The following PABPC1L variants were observed in gnomAD, a reference collection of about 807,000 sequenced individuals.
PABPC1L encodes the protein polyadenylate-binding protein 1-like.
Under a neutral mutation model 66.6 loss-of-function variants are expected in PABPC1L, and 31 were observed. The observed-to-expected ratio is 0.47, with a 90% CI of 0.35 to 0.63. PABPC1L has a LOEUF of 0.63. Among genes scored for constraint, PABPC1L ranks in the 20% least tolerant of loss-of-function variants. The pLI is 0.00. For synonymous variants in PABPC1L, 348 were observed against 335.1 expected, an observed-to-expected ratio of 1.04 and a Z score of -0.42; for missense variants, 722 against 848.8, an observed-to-expected ratio of 0.85 and a Z score of 1.86.
chr20:44,938,499 G>A (rs1292293205), intron 13 of PABPC1L, among the ~76,000 whole-genome samples, 175 bp from the exon 14 acceptor site: 2 of 152,166 alleles, frequency 1.3e-5, no homozygotes, highest in African/African-American at 2.4e-5. Context: ...TGTGTCAAAG[G>A]TGACAGACAG....
intron 7 of PABPC1L, among the ~76,000 whole-genome samples, chr20:44,925,390 T>C (rs537497813): frequency 6.6e-6 from 1 of 152,118 alleles, no homozygotes; most frequent in African/African-American, 2.4e-5. Flanking sequence ...CGTCACTAAC[T>C]CAAATGGATT....
At chr20:44,921,779 G>A (rs1429742303) in intron 6 of PABPC1L, 48 bp downstream of exon 6, 13 of 1,607,540 alleles carry the variant, frequency 8.1e-6, no homozygotes, top group South Asian at 3.3e-5. Context: ...GAGAGCAGCT[G>A]TGTGTCGGGG....
In PABPC1L at chr20:44,910,095, T is replaced by G; in HGVS notation, c.-49T>G. On this transcript the variant is annotated 5_prime_UTR_variant, in exon 1 of 15. Coordinates refer to ENST00000217073, the MANE Select transcript of PABPC1L (RefSeq NM_001372179.1). ...TCCGCCCGGGTGAGCGCGGGGCTGC[T>G]GGGTGACCCGGCTCCTGCTTGCCCC... is the stretch of plus-strand genomic sequence containing the variant. 1 of 1,486,104 alleles carries G rather than the reference T, an allele frequency of 6.7e-7. No homozygotes were observed. Among genetic ancestry groups the G allele is most frequent in the Non-Finnish European group, 9.1e-7 (1 of 1,102,346 alleles). 92.1% of individuals were successfully genotyped at this position (1,486,104 alleles called of 1,614,324 possible).
chr20:44,937,440 A>C (rs1601128810), intron 12 of PABPC1L, among the ~76,000 whole-genome samples: 2 of 148,996 alleles, frequency 1.3e-5, no homozygotes, highest in South Asian at 2.1e-4. Flanking sequence ...CCTGAGATGG[A>C]GTCTTGCTCT....
At position 44,933,304 on chromosome 20, in the gene PABPC1L, G is replaced by A. The variant is rs538585189; in HGVS notation, c.1459+119G>A. 8 of 829,822 alleles carry A rather than the reference G, an allele frequency of 9.6e-6. No homozygotes were observed. In the East Asian group the frequency reaches 1.9e-4, roughly 19 times the overall value. 51.4% of individuals were successfully genotyped at this position (829,822 alleles called of 1,614,324 possible). A position where few individuals can be genotyped will look rare whatever the true frequency, so the allele number is the denominator to read the frequency against. On this transcript the variant is annotated intron_variant, in intron 10 of 14. Transcript: ENST00000217073. ...CTCGGTGAGCAAAGCTGACTTTGGA[G>A]ACTGTAGCGTGGTAGTTAGCTTGGC...
rs2066695206 is a variant in PABPC1L, at chr20:44,910,329, C to G, written c.186C>G (p.Pro62=). ...ACGCCTACATCAACTTCCAGCAGCC[C>G]GCGGACGGTGAGCCCCGGGGATGGG... is the stretch of plus-strand genomic sequence containing the variant. ...LGYAYINFQQ[P]ADAERALDTM... is the part of the protein sequence containing the mutation. Residue 62 remains proline, a synonymous_variant, in exon 1 of 15, where the codon CCC becomes CCG. Transcript: ENST00000217073. 2.7e-6 allele frequency: 4 copies of G among 1,508,432 alleles called. No individual in the cohort carries two copies. The highest frequency in any genetic ancestry group is 2.7e-6 in the Non-Finnish European group (3 of 1,120,808). 93.4% of individuals were successfully genotyped at this position (1,508,432 alleles called of 1,614,324 possible). A position where few individuals can be genotyped will look rare whatever the true frequency, so the allele number is the denominator to read the frequency against.
In PABPC1L at chr20:44,939,187, G is replaced by A. The variant is rs955403779; in HGVS notation, c.*68G>A. 1.4e-6 allele frequency: 1 copy of A among 718,000 alleles called. No individual in the cohort carries two copies. The highest frequency in any genetic ancestry group is 2.6e-6 in the Non-Finnish European group (1 of 385,198). 44.5% of individuals were successfully genotyped at this position (718,000 alleles called of 1,614,324 possible). A position where few individuals can be genotyped will look rare whatever the true frequency, so the allele number is the denominator to read the frequency against. ...CAGTGTTTCTGGCTCTCAGCCCTAA[G>A]GCCCTGCAAACTCTAACTTATTTCC... On this transcript the variant is annotated 3_prime_UTR_variant, in exon 15 of 15. Transcript: ENST00000217073.
intron 1 of PABPC1L, 80 bp from the exon 2 acceptor site, chr20:44,912,580 T>G: frequency 8.0e-7 from 1 of 1,257,464 alleles, no homozygotes; most frequent in South Asian, 1.5e-5. Flanking sequence ...TGGCTCCCAG[T>G]TAAGCACCTC....
chr20:44,932,237 C>T (rs1037114626), intron 8 of PABPC1L, 105 bp from the exon 9 acceptor site: 3 of 818,248 alleles, frequency 3.7e-6, no homozygotes, highest in African/African-American at 1.7e-5. Context: ...TCACCAGTCC[C>T]TGCAGGAGCC....
At chr20:44,935,811 A>G (rs907953378) in intron 11 of PABPC1L, among the ~76,000 whole-genome samples, 1 of 152,206 alleles carries the variant, frequency 6.6e-6, no homozygotes, top group Non-Finnish European at 1.5e-5. Context: ...TTAATCTTCA[A>G]AACAGAAAAT....
Position 44,933,120 on chromosome 20 carries a change from A to C in PABPC1L, c.1394A>C (p.His465Pro). 1 of 1,609,376 alleles carries C rather than the reference A, an allele frequency of 6.2e-7. No individual in the cohort carries two copies. The highest frequency in any genetic ancestry group is 1.1e-5 in the South Asian group (1 of 89,674). The change falls in exon 10 of 15, where the codon CAC becomes CCC. Residue 465 changes from histidine to proline, a missense_variant. His to Pro is a moderately conservative substitution (Grantham distance 77). Around this residue, in one of 3 missense-constraint regions of PABPC1L, gnomAD observed 301 missense variants for 337.2 expected, o/e 0.89. Coordinates refer to ENST00000217073, the MANE Select transcript of PABPC1L (RefSeq NM_001372179.1). The part of the protein sequence containing the change: ...PPVVPRRPPA[H>P]ISSVRQASTQ... Reference sequence around the variant, plus strand: ...GTTGTGCCTCGGCGCCCCCCGGCCCACATCAGCAGTGTCAGGCAGGCCTCC... The same window carrying C: ...GTTGTGCCTCGGCGCCCCCCGGCCCCCATCAGCAGTGTCAGGCAGGCCTCC...
At chr20:44,914,204 C>CTTTTTTTT (rs1201412446) in intron 2 of PABPC1L, among the ~76,000 whole-genome samples, 17 of 114,354 alleles carry the variant, frequency 1.5e-4, no homozygotes, top group Non-Finnish European at 1.7e-4. Flanking sequence ...TGTGTCAGAA[C>CTTTTTTTT]TTTTTTTTTT....
At position 44,937,217 on chromosome 20, in the gene PABPC1L, C is replaced by G; in HGVS notation, c.1660+487C>G. 2 of 347,328 alleles carry G rather than the reference C, an allele frequency of 5.8e-6. 1 individual carries two copies. The highest frequency in any genetic ancestry group is 4.3e-5 in the South Asian group (2 of 46,224). The allele number at this position is 347,328 out of a possible 1,614,324, so 21.5% of individuals were successfully genotyped here. A position where few individuals can be genotyped will look rare whatever the true frequency, so the allele number is the denominator to read the frequency against. ...ATTCTGGATTCCTTGTGCAATTCATCTTCACCCCTAGTGTCCATGGCAGGC... is the reference window on the plus strand; with the variant it reads ...ATTCTGGATTCCTTGTGCAATTCATGTTCACCCCTAGTGTCCATGGCAGGC... On this transcript the variant is annotated intron_variant, in intron 12 of 14. Coordinates refer to ENST00000217073, the MANE Select transcript of PABPC1L (RefSeq NM_001372179.1).
At chr20:44,916,083 G>A (rs2066735989) in intron 2 of PABPC1L, among the ~76,000 whole-genome samples, 1 of 151,996 alleles carries the variant, frequency 6.6e-6, no homozygotes, top group Non-Finnish European at 1.5e-5. Flanking sequence ...GTAGACTGGT[G>A]TACAATTGAG....
chr20:44,933,331 T>A (rs2066876766), intron 10 of PABPC1L, 146 bp downstream of exon 10: 7 of 662,702 alleles, frequency 1.1e-5, no homozygotes, highest in Non-Finnish European at 1.8e-5. Flanking sequence ...TAGCTTGGCC[T>A]CCAGTTCCTG....
intron 2 of PABPC1L, among the ~76,000 whole-genome samples, chr20:44,913,114 T>A (rs1384119775): frequency 6.6e-6 from 1 of 152,218 alleles, no homozygotes; most frequent in East Asian, 1.9e-4. Context: ...ATTTAGCTAA[T>A]AATTCCACAG....
intron 2 of PABPC1L, among the ~76,000 whole-genome samples, chr20:44,915,170 T>C (rs1224755449): frequency 1.3e-5 from 2 of 152,192 alleles, no homozygotes; most frequent in African/African-American, 4.8e-5. Context: ...AAATGCCAAG[T>C]TGATATAGTT....
At chr20:44,932,988 A>C in intron 9 of PABPC1L, 69 bp from the exon 10 acceptor site, 1 of 1,048,966 alleles carries the variant, frequency 9.5e-7, no homozygotes, top group Non-Finnish European at 1.4e-6. Flanking sequence ...TTCTAGGCAC[A>C]GTGTGCCACC....
At chr20:44,938,224 G>T in intron 13 of PABPC1L, 33 bp downstream of exon 13, 2 of 1,605,084 alleles carry the variant, frequency 1.2e-6, no homozygotes, top group Non-Finnish European at 1.7e-6. Flanking sequence ...GGGAGCCCGA[G>T]GGGGCAGGAG....
Sources: allele counts gnomAD v4.1 joint callset (sites outside exome capture counted in the v4.1 genomes callset), GRCh38; gene constraint gnomAD v4.1.1; regional missense constraint gnomAD v4.1.1; transcripts MANE v1.5; gene names NCBI Gene and HGNC (gene_info 2026-07-23, HGNC 2026-07-21).